Variants in EPN1 observed in about 807,000 individuals in gnomAD.
The protein encoded by EPN1 is epsin-1.
A neutral mutation model predicts 56.9 loss-of-function variants in EPN1; 25 were observed. The ratio of observed to expected loss-of-function variants is 0.44; its 90% CI spans 0.32 to 0.61. The LOEUF is 0.61. Ranked by LOEUF, EPN1 falls within the 20% of genes least tolerant of loss-of-function variation. The probability of loss-of-function intolerance (pLI) is 0.05; values close to 1 mark genes in which losing one functional copy is unlikely to be tolerated. For synonymous variants in EPN1, 411 were observed against 361.8 expected, an observed-to-expected ratio of 1.14 and a Z score of -1.54; for missense variants, 785 against 823.7, an observed-to-expected ratio of 0.95 and a Z score of 0.58.
chr19:55,705,663 T>C lies in EPN1; in HGVS notation c.*10307T>C, dbSNP rs1209472286. 2 of 151,924 alleles carry C rather than the reference T, an allele frequency of 1.3e-5. No individual in the cohort carries two copies. Among genetic ancestry groups the C allele is most frequent in the Admixed American group, 6.6e-5 (1 of 15,246 alleles). The allele number at this position is 151,924 out of a possible 1,614,324, so 9.4% of individuals were successfully genotyped here. ...GACCCTTTCTTAGAAAAAAGAAAAGTATCCCCGAACATTATCAGAGTCAAG... is the reference window on the plus strand; with the variant it reads ...GACCCTTTCTTAGAAAAAAGAAAAGCATCCCCGAACATTATCAGAGTCAAG... On this transcript the variant is annotated 3_prime_UTR_variant, in exon 11 of 11. Coordinates refer to ENST00000270460, the MANE Select transcript of EPN1 (RefSeq NM_001130072.2).
rs1296815412 is a variant in EPN1 at position 55,705,650 on chromosome 19, G to GA, written c.*10300dup. 1 of 151,720 alleles carries GA rather than the reference G, an allele frequency of 6.6e-6. No individual in the cohort carries two copies. The highest frequency in any genetic ancestry group is 1.5e-5 in the Non-Finnish European group (1 of 67,942). The allele number at this position is 151,720 out of a possible 1,614,324, so 9.4% of individuals were successfully genotyped here. A position where few individuals can be genotyped will look rare whatever the true frequency, so the allele number is the denominator to read the frequency against. On this transcript the variant is annotated 3_prime_UTR_variant, in exon 11 of 11. Transcript: ENST00000270460. Reference sequence around the variant, plus strand: ...GACAACAGAGCAAGACCCTTTCTTAGAAAAAAGAAAAGTATCCCCGAACAT... The same window carrying GA: ...GACAACAGAGCAAGACCCTTTCTTAGAAAAAAAGAAAAGTATCCCCGAACAT...
chr19:55,678,943 A>G, intron 2 of EPN1, 88 bp downstream of exon 2: 4 of 882,340 alleles, frequency 4.5e-6, no homozygotes, highest in Non-Finnish European at 7.1e-6. Context: ...CTGGGATGGC[A>G]TCCCGGTTCT....
chr19:55,688,925 G>C lies in EPN1; in HGVS notation c.534G>C (p.Pro178=). The change falls in exon 4 of 11, where the codon CCG becomes CCC. Residue 178 remains proline, a synonymous_variant. Coordinates refer to ENST00000270460, the MANE Select transcript of EPN1 (RefSeq NM_001130072.2). ...CTCCCGAGGCGGAGCAGGCGTGGCC[G>C]CAGAGCAGCGGGGAGGAGGAGCTGC... ...GPPPEAEQAW[P]QSSGEEELQL... The C allele has an allele frequency of 6.3e-7, 1 of 1,591,682 alleles. No individual in the cohort carries two copies. The highest frequency in any genetic ancestry group is 8.5e-7 in the Non-Finnish European group (1 of 1,170,666).
chr19:55,692,653 G>A lies in EPN1; in HGVS notation c.1067-33G>A, dbSNP rs749262845. The A allele has an allele frequency of 1.7e-5, 24 of 1,414,388 alleles. 1 individual carries two copies. In the South Asian group the frequency reaches 2.6e-4, roughly 15 times the overall value. 87.6% of individuals were successfully genotyped at this position (1,414,388 alleles called of 1,614,324 possible). ...CCTAGCCATCTGGGCAGTCAAGGTT[G>A]CCAGCCCCTCATGCTCTTCTGTCCT... On this transcript the variant is annotated intron_variant, in intron 7 of 10. Transcript: ENST00000270460.
Position 55,695,064 on chromosome 19 carries a change from G to A in EPN1, c.1522+81G>A, listed in dbSNP as rs1481356678. The A allele has an allele frequency of 1.9e-6, 3 of 1,598,808 alleles. No homozygotes were observed. The highest frequency in any genetic ancestry group is 1.7e-6 in the Non-Finnish European group (2 of 1,172,374). On this transcript the variant is annotated intron_variant, in intron 10 of 10. Coordinates refer to ENST00000270460, the MANE Select transcript of EPN1 (RefSeq NM_001130072.2). The surrounding 1 kb of genome is among the most constrained non-coding windows in gnomAD (Gnocchi z 4.4). ...GTGCCTCACGGGGCAGGGACACTTC[G>A]CCCTTTGCCTGCACATGCTGGATGG...
chr19:55,693,325 C>T lies in EPN1; in HGVS notation c.1264+288C>T, dbSNP rs1217125981. On this transcript the variant is annotated intron_variant, in intron 9 of 10. Coordinates refer to ENST00000270460, the MANE Select transcript of EPN1 (RefSeq NM_001130072.2). ...TCTCTGCCTCCACGTTGCTTGAGTG[C>T]CTTGCAAACTCTCCAGGTGTCTCAA... 15 of 401,978 alleles carry T rather than the reference C, an allele frequency of 3.7e-5. No homozygotes were observed. The Admixed American group carries it at 5.5e-4, about 15-fold the overall frequency. The allele number at this position is 401,978 out of a possible 1,614,324, so 24.9% of individuals were successfully genotyped here.
chr19:55,677,230 T>TTACTTACTGCTCCA, intron 1 of EPN1: 1 of 1,418,076 alleles, frequency 7.1e-7, no homozygotes, highest in African/African-American at 1.4e-5. Context: ...TGTGTGTCCC[T>TTACTTACTGCTCCA]GGGCAAGGGG....
At position 55,689,510 on chromosome 19, in the gene EPN1, C is replaced by A; in HGVS notation, c.678+139C>A. On this transcript the variant is annotated intron_variant, in intron 5 of 10. Transcript: ENST00000270460. This position sits in a 1 kb window ranked among gnomAD's most constrained non-coding sequence, Gnocchi z 5.7. ...ACGCGTGTTGAAACCTCAGTACCTT[C>A]AGCCGTAGGATGTAGGACCACAAGT... 2 of 674,936 alleles carry A rather than the reference C, an allele frequency of 3.0e-6. No homozygotes were observed. The highest frequency in any genetic ancestry group is 3.5e-5 in the South Asian group (2 of 57,798). 41.8% of individuals were successfully genotyped at this position (674,936 alleles called of 1,614,324 possible). A position where few individuals can be genotyped will look rare whatever the true frequency, so the allele number is the denominator to read the frequency against.
chr19:55,696,906 C>A lies in EPN1; in HGVS notation c.*1550C>A, dbSNP rs965955008. 1 of 152,382 alleles carries A rather than the reference C, an allele frequency of 6.6e-6. No individual in the cohort carries two copies. The highest frequency in any genetic ancestry group is 1.9e-4 in the East Asian group (1 of 5,180). The allele number at this position is 152,382 out of a possible 1,614,324, so 9.4% of individuals were successfully genotyped here. The stretch of plus-strand genomic sequence containing the variant: ...CGGAGCGTTCTCTGGCCTCCACTTG[C>A]CCCTGCAGACCAGGGTGTCTGGAGG... On this transcript the variant is annotated 3_prime_UTR_variant, in exon 11 of 11. Coordinates refer to ENST00000270460, the MANE Select transcript of EPN1 (RefSeq NM_001130072.2).
intron 3 of EPN1, among the ~76,000 whole-genome samples, chr19:55,687,406 G>A (rs1263957105): frequency 6.6e-6 from 1 of 152,196 alleles, no homozygotes; most frequent in Non-Finnish European, 1.5e-5. Flanking sequence ...GAAGGCCCGG[G>A]TGTTGCTGGC....
At position 55,697,176 on chromosome 19, in the gene EPN1, A is replaced by G. The variant is rs1386477002; in HGVS notation, c.*1820A>G. ...GGGGTGCTGTCCCCAGGCAGCAGCA[A>G]GCGTCCCTTACGCTTGGGCTGTCCG... On this transcript the variant is annotated 3_prime_UTR_variant, in exon 11 of 11. Coordinates refer to ENST00000270460, the MANE Select transcript of EPN1 (RefSeq NM_001130072.2). The G allele has an allele frequency of 6.6e-6, 1 of 152,220 alleles. No individual in the cohort carries two copies. The allele number at this position is 152,220 out of a possible 1,614,324, so 9.4% of individuals were successfully genotyped here.
chr19:55,687,877 G>A (rs1288301151), intron 3 of EPN1, among the ~76,000 whole-genome samples: 1 of 152,212 alleles, frequency 6.6e-6, no homozygotes, highest in Non-Finnish European at 1.5e-5. Context: ...TGGACCCGGT[G>A]CAGGTGGGGC....
chr19:55,693,664 C>T (rs1448061145), intron 9 of EPN1, among the ~76,000 whole-genome samples: 1 of 152,208 alleles, frequency 6.6e-6, no homozygotes, highest in Non-Finnish European at 1.5e-5. Flanking sequence ...CATGATGAGT[C>T]AGGTCAGCCT....
intron 1 of EPN1, chr19:55,677,253 G>C: frequency 8.1e-7 from 1 of 1,227,624 alleles, no homozygotes; most frequent in South Asian, 1.3e-5. Flanking sequence ...GAACCTCTGT[G>C]TCTCAGTTTC....
rs566071209 is a variant in EPN1, at chr19:55,689,641, G to C, written c.679-226G>C. 5.9e-5 allele frequency among the ~76,000 whole-genome samples: 9 copies of C among 152,194 alleles called. No individual in the cohort carries two copies. On this transcript the variant is annotated intron_variant, in intron 5 of 10. Transcript: ENST00000270460. This position sits in a 1 kb window ranked among gnomAD's most constrained non-coding sequence, Gnocchi z 5.7. ...GGAGATACCACCGAGGCGGGTGCCC[G>C]TCCTCCCCGGGTGCGCCAGCACAGC...
At chr19:55,690,788 C>T (rs1986493253) in intron 6 of EPN1, among the ~76,000 whole-genome samples, 1 of 152,214 alleles carries the variant, frequency 6.6e-6, no homozygotes, top group Non-Finnish European at 1.5e-5. Flanking sequence ...TGGGAGGCGG[C>T]AGACAGCTTG....
chr19:55,707,944 A>T lies in EPN1; in HGVS notation c.*12588A>T, dbSNP rs1987509722. 1 of 152,680 alleles carries T rather than the reference A, an allele frequency of 6.5e-6. No homozygotes were observed. Among genetic ancestry groups the T allele is most frequent in the Admixed American group, 6.5e-5 (1 of 15,296 alleles). 9.5% of individuals were successfully genotyped at this position (152,680 alleles called of 1,614,324 possible). A position where few individuals can be genotyped will look rare whatever the true frequency, so the allele number is the denominator to read the frequency against. Reference sequence around the variant, plus strand: ...AGGCGTGAGCCACCACTCCTGGCCTATGCCAGCATTCTTTAAAGTTGTGGG... The same window carrying T: ...AGGCGTGAGCCACCACTCCTGGCCTTTGCCAGCATTCTTTAAAGTTGTGGG... On this transcript the variant is annotated 3_prime_UTR_variant, in exon 11 of 11. Transcript: ENST00000270460.
chr19:55,691,981 A>C lies in EPN1; in HGVS notation c.990A>C (p.Ser330=). The C allele has an allele frequency of 6.7e-7, 1 of 1,499,896 alleles. No homozygotes were observed. Among genetic ancestry groups the C allele is most frequent in the Non-Finnish European group, 8.8e-7 (1 of 1,131,418 alleles). The allele number at this position is 1,499,896 out of a possible 1,614,324, so 92.9% of individuals were successfully genotyped here. A position where few individuals can be genotyped will look rare whatever the true frequency, so the allele number is the denominator to read the frequency against. Residue 330 remains serine (S), a synonymous_variant, in exon 7 of 11, where the codon TCA becomes TCC. Transcript: ENST00000270460. The surrounding 1 kb of genome is among the most constrained non-coding windows in gnomAD (Gnocchi z 5.6). The part of the protein sequence containing the change: ...PWRPAAPAGP[S]VDPWGGTPAP... ...GGCCTGCTGCCCCTGCAGGACCCTC[A>C]GTTGACCCTTGGGGTGGGACCCCAG... is the stretch of plus-strand genomic sequence containing the variant.
Position 55,689,841 on chromosome 19 carries a change from C to T in EPN1, c.679-26C>T. 1 of 1,580,880 alleles carries T rather than the reference C, an allele frequency of 6.3e-7. No homozygotes were observed. The highest frequency in any genetic ancestry group is 1.3e-5 in the African/African-American group (1 of 74,378). On this transcript the variant is annotated intron_variant, in intron 5 of 10. Transcript: ENST00000270460. This position sits in a 1 kb window ranked among gnomAD's most constrained non-coding sequence, Gnocchi z 5.7. ...GCCCGTGGCTCACGTTCTCATGTCT[C>T]CCTGGTCGTGCCCGTGCCCCAACAG...
Sources: allele counts gnomAD v4.1 joint callset (sites outside exome capture counted in the v4.1 genomes callset), GRCh38; gene constraint gnomAD v4.1.1; non-coding constraint Gnocchi (gnomAD v3.1); transcripts MANE v1.5; gene names NCBI Gene and HGNC (gene_info 2026-07-23, HGNC 2026-07-21).